FAT4: variants seen among roughly 807,000 people sequenced by gnomAD.
The protein encoded by FAT4 is FAT atypical cadherin 4.
A neutral mutation model predicts 303.9 loss-of-function variants in FAT4; 84 were observed. The ratio of observed to expected loss-of-function variants is 0.28; its 90% CI spans 0.23 to 0.33. The LOEUF (loss-of-function observed/expected upper bound fraction) is 0.33, where lower values mean the gene tolerates loss of function less well. Ranked by LOEUF, FAT4 falls within the 10% of genes least tolerant of loss-of-function variation. The pLI is 1.00. For synonymous variants in FAT4, 2,307 were observed against 2,298.8 expected (o/e 1.00, Z -0.10); for missense variants, 6,005 against 6,146.8 (o/e 0.98, Z 0.77).
chr4:125,489,948 C>A lies in FAT4; in HGVS notation c.13132C>A (p.Leu4378Ile). ...TTCTATGTGGTATGGTGGAGAAAGT[C>A]TTCCTTTCAGCGGGAAGCATAGCTT... is the stretch of plus-strand genomic sequence containing the variant. ...IASMWYGGES[L>I]PFSGKHSLAS... is the part of the protein sequence containing the mutation. Residue 4378 changes from leucine (L) to isoleucine (I), a missense_variant, in exon 18 of 18, where the codon CTT (leucine) becomes ATT (isoleucine). Coordinates refer to ENST00000394329, the MANE Select transcript of FAT4 (RefSeq NM_001291303.3). 2 of 1,560,046 alleles carry A rather than the reference C, an allele frequency of 1.3e-6. No individual in the cohort carries two copies. Among genetic ancestry groups the A allele is most frequent in the East Asian group, 5.0e-5 (2 of 40,060 alleles).
At chr4:125,388,073 G>T (rs1578586233) in intron 2 of FAT4, among the ~76,000 whole-genome samples, 1 of 152,144 alleles carries the variant, frequency 6.6e-6, no homozygotes, top group Admixed American at 6.5e-5. Context: ...AGTCTTTCTG[G>T]TAGTAGTGGG....
chr4:125,399,448 CTT>C (rs1734302394), intron 3 of FAT4, among the ~76,000 whole-genome samples: 1 of 151,888 alleles, frequency 6.6e-6, no homozygotes, highest in South Asian at 2.1e-4. Flanking sequence ...CTTATTTTCT[CTT>C]TACTGGGTAA....
intron 5 of FAT4, among the ~76,000 whole-genome samples, chr4:125,410,157 G>A (rs1390096862): frequency 6.6e-6 from 1 of 152,090 alleles, no homozygotes; most frequent in Non-Finnish European, 1.5e-5. Context: ...TTGAGTAAGA[G>A]CATTTTGATG....
At chr4:125,443,874 C>T (rs1049361165) in intron 8 of FAT4, among the ~76,000 whole-genome samples, 4 of 152,014 alleles carry the variant, frequency 2.6e-5, no homozygotes, top group African/African-American at 7.2e-5. Context: ...TCTTAACTGT[C>T]GATCTACGTA....
intron 7 of FAT4, among the ~76,000 whole-genome samples, chr4:125,424,297 C>A (rs1013989140): frequency 4.6e-5 from 7 of 152,144 alleles, no homozygotes; most frequent in African/African-American, 1.4e-4. Context: ...CCATGCTGTT[C>A]TCCTAATAGT....
intron 3 of FAT4, among the ~76,000 whole-genome samples, chr4:125,404,971 T>G (rs1374153980): frequency 1.3e-5 from 2 of 152,088 alleles, no homozygotes; most frequent in Non-Finnish European, 2.9e-5. Context: ...TCCGAAATAC[T>G]TGGGACCAGA....
At chr4:125,473,078 T>C (rs983521202) in intron 12 of FAT4, among the ~76,000 whole-genome samples, 4 of 152,130 alleles carry the variant, frequency 2.6e-5, no homozygotes, top group Non-Finnish European at 5.9e-5. Context: ...ATTCCAAAAA[T>C]GTTGTCAAGA....
rs566332023 is a variant in FAT4 at position 125,483,625 on chromosome 4, A to C, written c.12822+1887A>C. Among the ~76,000 whole-genome samples the C allele has an allele frequency of 1.1e-4, 17 of 152,310 alleles. No homozygotes were observed. The East Asian group carries it at 2.9e-3, about 26-fold the overall frequency. Reference sequence around the variant, plus strand: ...TTTGTTAGCTTGGTAGCAATAACTTAATTTTTTTCCTGAAAGGAAAGTAAG... The same window carrying C: ...TTTGTTAGCTTGGTAGCAATAACTTCATTTTTTTCCTGAAAGGAAAGTAAG... On this transcript the variant is annotated intron_variant, in intron 16 of 17. Coordinates refer to ENST00000394329, the MANE Select transcript of FAT4 (RefSeq NM_001291303.3).
intron 3 of FAT4, among the ~76,000 whole-genome samples, chr4:125,400,717 A>T (rs996973824): frequency 1.5e-3 from 6 of 3,922 alleles, no homozygotes; most frequent in South Asian, 5.8e-3. Context: ...TTTTAAGTTT[A>T]AAAAAAAATG....
intron 2 of FAT4, among the ~76,000 whole-genome samples, chr4:125,330,470 C>A (rs1304629424): frequency 6.6e-6 from 1 of 152,162 alleles, no homozygotes; most frequent in African/African-American, 2.4e-5. Flanking sequence ...CTCAACCAAT[C>A]TCATTCCTTT....
At chr4:125,488,745 C>T (rs1261047601) in intron 17 of FAT4, among the ~76,000 whole-genome samples, 2 of 152,058 alleles carry the variant, frequency 1.3e-5, no homozygotes, top group East Asian at 3.9e-4. Context: ...GGCTGGAAAT[C>T]AGAAATAGAC....
At chr4:125,369,581 C>T (rs1412716273) in intron 2 of FAT4, among the ~76,000 whole-genome samples, 1 of 152,158 alleles carries the variant, frequency 6.6e-6, no homozygotes, top group Non-Finnish European at 1.5e-5. Flanking sequence ...TAAAGTCTGG[C>T]CTTGCCATTG....
intron 2 of FAT4, among the ~76,000 whole-genome samples, chr4:125,379,002 G>A (rs372225603): frequency 2.0e-4 from 30 of 151,514 alleles, no homozygotes; most frequent in African/African-American, 6.1e-4. Flanking sequence ...GGTGCATCAC[G>A]TGAACAAGAA....
Position 125,491,659 on chromosome 4 carries a change from T to C in FAT4, c.14843T>C (p.Val4948Ala). The stretch of plus-strand genomic sequence containing the variant: ...CCTGGCTTTGGCCATTATGTAGATG[T>C]TTTTAAAGATTTGGCATCTCTTCCA... ...WGPGFGHYVDVFKDLASLPEK... is the reference protein window; with the variant it reads ...WGPGFGHYVDAFKDLASLPEK... Residue 4948 changes from valine (V) to alanine (A), a missense_variant, in exon 18 of 18, where the codon GTT becomes GCT. Coordinates refer to ENST00000394329, the MANE Select transcript of FAT4 (RefSeq NM_001291303.3). 1 of 1,614,128 alleles carries C rather than the reference T, an allele frequency of 6.2e-7. No individual in the cohort carries two copies. The highest frequency in any genetic ancestry group is 8.5e-7 in the Non-Finnish European group (1 of 1,180,026).
Position 125,319,949 on chromosome 4 carries a change from A to G in FAT4, c.3538A>G (p.Ile1180Val), listed in dbSNP as rs375022400. Reference protein sequence around the residue: ...RGTAVFSFTVIATDQGIPQPL... With the variant: ...RGTAVFSFTVVATDQGIPQPL... ...GACTGCTGTGTTTAGCTTTACAGTC[A>G]TAGCAACAGATCAGGGGATCCCTCA... The change falls in exon 2 of 18, where the codon ATA becomes GTA. Residue 1180 changes from isoleucine (I) to valine (V), a missense_variant. Coordinates refer to ENST00000394329, the MANE Select transcript of FAT4 (RefSeq NM_001291303.3). 66 of 1,613,364 alleles carry G rather than the reference A, an allele frequency of 4.1e-5. No individual in the cohort carries two copies. Among genetic ancestry groups the G allele is most frequent in the Non-Finnish European group, 5.5e-5 (65 of 1,179,988 alleles).
At position 125,449,766 on chromosome 4, in the gene FAT4, A is replaced by G. The variant is rs1015896802; in HGVS notation, c.8756A>G (p.Tyr2919Cys). Residue 2919 changes from tyrosine (Y) to cysteine (C), a missense_variant, in exon 10 of 18, where the codon TAT becomes TGT. Transcript: ENST00000394329. The stretch of plus-strand genomic sequence containing the variant: ...TATTTCATAAAATCCCAATCAGAAT[A>G]TTTCAGGATTAATGCCACCACTGGA... ...VFYFIKSQSE[Y>C]FRINATTGEI... 2 of 1,613,666 alleles carry G rather than the reference A, an allele frequency of 1.2e-6. No homozygotes were observed. The highest frequency in any genetic ancestry group is 1.3e-5 in the African/African-American group (1 of 74,932).
Position 125,449,510 on chromosome 4 carries a change from C to A in FAT4, c.8500C>A (p.Pro2834Thr). Reference sequence around the variant, plus strand: ...CACAGGGGATATTGTCATAAGCAGACCTTTAAATAGGGAAGATACAGACCG... The same window carrying A: ...CACAGGGGATATTGTCATAAGCAGAACTTTAAATAGGGAAGATACAGACCG... ...PSTGDIVISR[P>T]LNREDTDRYR... The change falls in exon 10 of 18, where the codon CCT (proline) becomes ACT (threonine). Residue 2834 changes from proline (P) to threonine (T), a missense_variant. Transcript: ENST00000394329. 3 of 1,613,838 alleles carry A rather than the reference C, an allele frequency of 1.9e-6. No homozygotes were observed. The East Asian group carries it at 6.7e-5, about 36-fold the overall frequency.
chr4:125,462,345 C>T (rs1017236590), intron 10 of FAT4, among the ~76,000 whole-genome samples: 5 of 151,844 alleles, frequency 3.3e-5, no homozygotes, highest in Non-Finnish European at 7.4e-5. Flanking sequence ...ATTTCCTGAG[C>T]TATCTAATAA....
intron 3 of FAT4, among the ~76,000 whole-genome samples, chr4:125,400,870 A>T (rs1734363765): frequency 5.3e-5 from 8 of 151,978 alleles, no homozygotes; most frequent in Admixed American, 2.6e-4. Flanking sequence ...ATAAGGCTAT[A>T]ATGTTGGAAT....
Sources: gnomAD v4.1 joint callset for allele counts (sites outside exome capture counted in the v4.1 genomes callset) on GRCh38, gnomAD v4.1.1 for gene constraint, MANE v1.5 for transcripts, NCBI Gene and HGNC (gene_info 2026-07-23, HGNC 2026-07-21) for gene names.